The following GAS2 variants were observed in gnomAD, a reference collection of about 807,000 sequenced individuals.
The protein encoded by GAS2 is growth arrest specific 2.
GAS2 carries 20 observed loss-of-function variants against 37.5 expected under a neutral mutation model. The observed-to-expected ratio is 0.53, with a 90% CI of 0.37 to 0.77. The LOEUF (loss-of-function observed/expected upper bound fraction) is 0.77, where lower values mean the gene tolerates loss of function less well. Ranked by LOEUF, GAS2 falls within the 30% of genes least tolerant of loss-of-function variation. The probability of loss-of-function intolerance (pLI) is 0.00; values close to 1 mark genes in which losing one functional copy is unlikely to be tolerated. For missense variants in GAS2, 336 were observed against 373.4 expected (o/e 0.90, Z 0.82); for synonymous variants, 144 against 132.2 (o/e 1.09, Z -0.61).
chr11:22,633,612 A>G (rs906239086), intron 1 of GAS2, among the ~76,000 whole-genome samples: 6 of 152,228 alleles, frequency 3.9e-5, no homozygotes, highest in African/African-American at 1.4e-4. Context: ...GTGGAATGCA[A>G]TATCCAGTGA....
chr11:22,719,319 A>G (rs966354845), intron 3 of GAS2, among the ~76,000 whole-genome samples: 1 of 152,058 alleles, frequency 6.6e-6, no homozygotes, highest in African/African-American at 2.4e-5. Flanking sequence ...CCAAGCCCTC[A>G]ACCCCTTTCT....
intron 7 of GAS2, among the ~76,000 whole-genome samples, chr11:22,763,625 ACACACACAC>A (rs1564877329): frequency 3.6e-4 from 8 of 21,986 alleles, no homozygotes; most frequent in Admixed American, 1.7e-3. Context: ...ATACACACAC[ACACACACAC>A]ACACACACAC....
At chr11:22,807,575 GT>G (rs1856960052) in intron 7 of GAS2, among the ~76,000 whole-genome samples, 1 of 152,170 alleles carries the variant, frequency 6.6e-6, no homozygotes, top group Non-Finnish European at 1.5e-5. Context: ...CAGAACAACA[GT>G]CAAAGGGAAA....
At chr11:22,805,282 A>C (rs1415961185) in intron 7 of GAS2, among the ~76,000 whole-genome samples, 1 of 152,152 alleles carries the variant, frequency 6.6e-6, no homozygotes. Context: ...GTATAACGTA[A>C]AGTTTTAAAG....
chr11:22,718,452 G>A (rs146350100), intron 3 of GAS2, among the ~76,000 whole-genome samples: 3,321 of 150,308 alleles, frequency 0.022, 56 homozygotes, highest in Middle Eastern at 0.034. Context: ...TTATAAGTGG[G>A]AGCTAAGCTA....
intron 7 of GAS2, among the ~76,000 whole-genome samples, chr11:22,763,136 C>T (rs1432322886): frequency 6.6e-6 from 1 of 152,168 alleles, no homozygotes. Context: ...TATGGCGTTA[C>T]CTCCTTTGTA....
chr11:22,676,045 C>T (rs1849412744), intron 2 of GAS2, among the ~76,000 whole-genome samples: 2 of 152,046 alleles, frequency 1.3e-5, no homozygotes, highest in South Asian at 2.1e-4. Context: ...TTTCTTTATC[C>T]TATATTTCTT....
chr11:22,657,464 A>G (rs1848868915), intron 1 of GAS2, among the ~76,000 whole-genome samples: 3 of 152,162 alleles, frequency 2.0e-5, no homozygotes, highest in African/African-American at 7.2e-5. Context: ...ATAGTAGCTC[A>G]GAGAGTGAGA....
chr11:22,628,412 C>A (rs946099248), intron 1 of GAS2, among the ~76,000 whole-genome samples: 5 of 152,082 alleles, frequency 3.3e-5, no homozygotes, highest in African/African-American at 1.2e-4. Context: ...TATGAGAACA[C>A]AAATGTGTGT....
chr11:22,758,695 C>T (rs372932932), intron 7 of GAS2, among the ~76,000 whole-genome samples: 38 of 152,186 alleles, frequency 2.5e-4, no homozygotes, highest in Middle Eastern at 6.8e-3. Context: ...GGGCAGATCA[C>T]CTGAGGTTGG....
intron 3 of GAS2, among the ~76,000 whole-genome samples, chr11:22,716,308 G>T (rs1231615928): frequency 6.6e-6 from 1 of 152,072 alleles, no homozygotes; most frequent in African/African-American, 2.4e-5. Flanking sequence ...ATTCAACATA[G>T]TACTGGAAGT....
chr11:22,739,384 C>A (rs928896659), intron 5 of GAS2, among the ~76,000 whole-genome samples: 2 of 151,778 alleles, frequency 1.3e-5, no homozygotes, highest in Non-Finnish European at 2.9e-5. Context: ...ACCATCCTGA[C>A]TAACAGAATG....
chr11:22,789,799 G>A (rs1216302895), intron 7 of GAS2, among the ~76,000 whole-genome samples: 2 of 151,840 alleles, frequency 1.3e-5, no homozygotes, highest in Non-Finnish European at 2.9e-5. Context: ...TTTGAAACTA[G>A]CAGAAAAGAA....
At chr11:22,695,872 C>T (rs1565092797) in intron 3 of GAS2, among the ~76,000 whole-genome samples, 1 of 152,160 alleles carries the variant, frequency 6.6e-6, no homozygotes, top group African/African-American at 2.4e-5. Context: ...CCTGATTAAT[C>T]ATGCTAAAAG....
intron 3 of GAS2, among the ~76,000 whole-genome samples, chr11:22,708,258 A>G (rs114603486): frequency 0.032 from 4,810 of 152,262 alleles, 233 homozygotes; most frequent in African/African-American, 0.11. Flanking sequence ...GTAGGTGGAT[A>G]TTATGGATAT....
chr11:22,694,443 A>C (rs1850399002), intron 3 of GAS2, among the ~76,000 whole-genome samples: 2 of 152,158 alleles, frequency 1.3e-5, no homozygotes, highest in African/African-American at 4.8e-5. Flanking sequence ...TGTCACCTTA[A>C]AAATTTTTGG....
intron 7 of GAS2, among the ~76,000 whole-genome samples, chr11:22,759,555 T>C (rs1039951896): frequency 1.3e-5 from 2 of 152,362 alleles, no homozygotes; most frequent in Admixed American, 1.3e-4. Flanking sequence ...ACATTGTTTT[T>C]TTGAACTATC....
At chr11:22,785,540 T>G (rs530054676) in intron 7 of GAS2, among the ~76,000 whole-genome samples, 1 of 152,328 alleles carries the variant, frequency 6.6e-6, no homozygotes, top group African/African-American at 2.4e-5. Context: ...AGGACTTTGC[T>G]GATGTCTTGG....
At chr11:22,711,435 G>T (rs1009841162) in intron 3 of GAS2, among the ~76,000 whole-genome samples, 3 of 152,174 alleles carry the variant, frequency 2.0e-5, no homozygotes, top group African/African-American at 7.2e-5. Context: ...TAAGCTCCTA[G>T]GTGAACTTTG....
Sources: gnomAD v4.1 joint callset for allele counts (sites outside exome capture counted in the v4.1 genomes callset) on GRCh38, gnomAD v4.1.1 for gene constraint, MANE v1.5 for transcripts, NCBI Gene and HGNC (gene_info 2026-07-23, HGNC 2026-07-21) for gene names.